The following GSE1 variants were observed in gnomAD, a reference collection of about 807,000 sequenced individuals.
GSE1 encodes the protein genetic suppressor element 1.
Under a neutral mutation model 112.6 loss-of-function variants are expected in GSE1, and 32 were observed. That is an observed-to-expected ratio of 0.28 (90% CI 0.21 to 0.38). The LOEUF is 0.38. Ranked by LOEUF, GSE1 falls within the 10% of genes least tolerant of loss-of-function variation. The pLI, the probability that GSE1 is intolerant of heterozygous loss-of-function variation, is 1.00. For synonymous variants in GSE1, 1,115 were observed against 735.6 expected (o/e 1.52, Z -8.35); for missense variants, 2,348 against 1,699.2 (o/e 1.38, Z -6.71).
intron 1 of GSE1, among the ~76,000 whole-genome samples, chr16:85,322,983 C>G (rs990076022): frequency 4.6e-5 from 7 of 152,178 alleles, no homozygotes; most frequent in African/African-American, 1.4e-4. Flanking sequence ...GTGAGTGACC[C>G]TGCGGGGACT....
At chr16:85,206,495 C>G (rs1252230717) in intron 1 of GSE1, among the ~76,000 whole-genome samples, 3 of 152,122 alleles carry the variant, frequency 2.0e-5, no homozygotes, top group East Asian at 1.9e-4. Context: ...TGAACTGGGT[C>G]TCGATGGGGC....
intron 1 of GSE1, among the ~76,000 whole-genome samples, chr16:85,177,660 A>G (rs1046671795): frequency 1.5e-4 from 23 of 152,330 alleles, no homozygotes; most frequent in Non-Finnish European, 1.9e-4. Context: ...TGGACTCTCT[A>G]GGAAAACGTC....
chr16:85,397,056 C>T (rs766875979), intron 2 of GSE1, among the ~76,000 whole-genome samples: 2 of 152,160 alleles, frequency 1.3e-5, no homozygotes, highest in Admixed American at 6.5e-5. Flanking sequence ...GAAGAGGGTG[C>T]AGAGAGGCAT....
In GSE1 at chr16:85,672,753, T is replaced by C; in HGVS notation, c.*214T>C. 2.6e-6 allele frequency: 1 copy of C among 389,692 alleles called. No homozygotes were observed. Among genetic ancestry groups the C allele is most frequent in the Non-Finnish European group, 4.6e-6 (1 of 217,734 alleles). The allele number at this position is 389,692 out of a possible 1,614,324, so 24.1% of individuals were successfully genotyped here. On this transcript the variant is annotated 3_prime_UTR_variant, in exon 16 of 16. Transcript: ENST00000253458. ...CCGTTGTCATTCAGCGAGCAACCAA[T>C]GTAGGATTGCCCACAGTTTTTCTTT...
At chr16:85,449,204 C>A (rs972559354) in intron 2 of GSE1, among the ~76,000 whole-genome samples, 2 of 152,188 alleles carry the variant, frequency 1.3e-5, no homozygotes, top group African/African-American at 2.4e-5. Context: ...TAATGGTGCC[C>A]GTTTCACCTA....
At chr16:85,476,045 C>G (rs898942896) in intron 2 of GSE1, among the ~76,000 whole-genome samples, 5 of 152,200 alleles carry the variant, frequency 3.3e-5, no homozygotes, top group Non-Finnish European at 7.3e-5. Context: ...ATTCTCCCGC[C>G]TCAGCCTCCC....
intron 3 of GSE1, among the ~76,000 whole-genome samples, chr16:85,652,686 C>T (rs966284876): frequency 4.6e-5 from 7 of 152,138 alleles, no homozygotes; most frequent in South Asian, 2.1e-4. Flanking sequence ...CACCGTCTGC[C>T]GCTATGAAGA....
At chr16:85,179,935 G>A (rs2074547395) in intron 1 of GSE1, among the ~76,000 whole-genome samples, 1 of 152,202 alleles carries the variant, frequency 6.6e-6, no homozygotes, top group Non-Finnish European at 1.5e-5. Context: ...GGGGCAGATG[G>A]TAGATGATAG....
intron 9 of GSE1, chr16:85,662,775 G>C: frequency 1.8e-6 from 1 of 546,594 alleles, no homozygotes; most frequent in Non-Finnish European, 3.2e-6. Context: ...TGGATCCCAG[G>C]GAAGCCTGGT....
intron 1 of GSE1, among the ~76,000 whole-genome samples, chr16:85,628,482 T>C (rs1219529401): frequency 6.6e-6 from 1 of 152,096 alleles, no homozygotes; most frequent in Admixed American, 6.5e-5. Context: ...CTGGTGATAG[T>C]GACACTGAGG....
At position 85,674,048 on chromosome 16, in the gene GSE1, C is replaced by G. The variant is rs983762462; in HGVS notation, c.*1509C>G. ...TCTTCCTCCTTGTCCTAGTTACTGCCTATGGAGGCAGTGTTTAGATCAAGA... is the reference window on the plus strand; with the variant it reads ...TCTTCCTCCTTGTCCTAGTTACTGCGTATGGAGGCAGTGTTTAGATCAAGA... On this transcript the variant is annotated 3_prime_UTR_variant, in exon 16 of 16. Transcript: ENST00000253458. The G allele has an allele frequency of 4.6e-5, 7 of 152,224 alleles. No homozygotes were observed. In the South Asian group the frequency reaches 1.4e-3, roughly 32 times the overall value. 9.4% of individuals were successfully genotyped at this position (152,224 alleles called of 1,614,324 possible). A position where few individuals can be genotyped will look rare whatever the true frequency, so the allele number is the denominator to read the frequency against.
chr16:85,376,531 C>T (rs2047424204), intron 2 of GSE1, among the ~76,000 whole-genome samples: 2 of 152,204 alleles, frequency 1.3e-5, no homozygotes, highest in Non-Finnish European at 2.9e-5. Flanking sequence ...GGGCTGGGGG[C>T]TCTGCCCTCC....
intron 1 of GSE1, among the ~76,000 whole-genome samples, chr16:85,172,281 A>G (rs1597710667): frequency 1.3e-5 from 2 of 152,208 alleles, no homozygotes; most frequent in African/African-American, 2.4e-5. Flanking sequence ...TGGCTTTTCC[A>G]GAGTTTTCCA....
intron 1 of GSE1, among the ~76,000 whole-genome samples, chr16:85,569,790 T>C (rs763258403): frequency 1.3e-5 from 2 of 152,256 alleles, no homozygotes; most frequent in African/African-American, 2.4e-5. Context: ...GGAAAGCCTC[T>C]GCACTGCATC....
chr16:85,534,850 T>C (rs1204511423), intron 2 of GSE1, among the ~76,000 whole-genome samples: 1 of 152,216 alleles, frequency 6.6e-6, no homozygotes, highest in Non-Finnish European at 1.5e-5. Context: ...TTCTGCTGCG[T>C]GGTGTTCCGT....
intron 1 of GSE1, among the ~76,000 whole-genome samples, chr16:85,238,440 C>T (rs1169570863): frequency 1.3e-5 from 2 of 152,220 alleles, no homozygotes; most frequent in Non-Finnish European, 2.9e-5. Flanking sequence ...GCTGCAGTTT[C>T]GTCAGCCCTT....
At chr16:85,480,451 C>T (rs1469867332) in intron 2 of GSE1, among the ~76,000 whole-genome samples, 1 of 152,202 alleles carries the variant, frequency 6.6e-6, no homozygotes, top group Non-Finnish European at 1.5e-5. Context: ...GCTCTGCCGC[C>T]ACCTCCACTC....
At chr16:85,579,502 C>T (rs927240970) in intron 1 of GSE1, among the ~76,000 whole-genome samples, 1 of 152,172 alleles carries the variant, frequency 6.6e-6, no homozygotes, top group East Asian at 1.9e-4. Flanking sequence ...GTGTCTGCAG[C>T]GGTTGCTGCC....
intron 1 of GSE1, among the ~76,000 whole-genome samples, chr16:85,614,026 G>C (rs578002860): frequency 1.3e-5 from 2 of 151,416 alleles, no homozygotes; most frequent in South Asian, 4.2e-4. Context: ...GGCGCGCCCC[G>C]GGCTCGGCCG....
Sources: gnomAD v4.1 joint callset for allele counts (sites outside exome capture counted in the v4.1 genomes callset) on GRCh38, gnomAD v4.1.1 for gene constraint, MANE v1.5 for transcripts, NCBI Gene and HGNC (gene_info 2026-07-23, HGNC 2026-07-21) for gene names.